Variants in OSCP1 observed in about 807,000 individuals in gnomAD.
The protein encoded by OSCP1 is protein OSCP1.
A neutral mutation model predicts 45.1 loss-of-function variants in OSCP1; 35 were observed. That is an observed-to-expected ratio of 0.78 (90% CI 0.59 to 1.03). The LOEUF is 1.03. Ranked by LOEUF, OSCP1 falls within the 50% of genes least tolerant of loss-of-function variation. OSCP1 has a pLI of 0.00. For synonymous variants in OSCP1, 179 were observed against 180.1 expected (o/e 0.99, Z 0.05); for missense variants, 400 against 470.7 (o/e 0.85, Z 1.39).
At chr1:36,441,584 TA>T (rs1041822670) in intron 1 of OSCP1, among the ~76,000 whole-genome samples, 12 of 148,466 alleles carry the variant, frequency 8.1e-5, no homozygotes, top group African/African-American at 2.2e-4. Context: ...CCGTCTCCAC[TA>T]AAAAAAAATA....
chr1:36,430,651 TTTTG>T (rs376057341), intron 4 of OSCP1, among the ~76,000 whole-genome samples: 18 of 151,976 alleles, frequency 1.2e-4, no homozygotes, highest in African/African-American at 4.1e-4. Context: ...CCGACTCTAT[TTTTG>T]TTTGTTTGTT....
intron 4 of OSCP1, among the ~76,000 whole-genome samples, chr1:36,425,459 G>A (rs1169256576): frequency 1.3e-5 from 2 of 152,184 alleles, no homozygotes; most frequent in African/African-American, 4.8e-5. Context: ...AGCCGGCTGG[G>A]TACAGTGGCT....
chr1:36,426,584 T>C (rs1478376168), intron 4 of OSCP1, among the ~76,000 whole-genome samples: 1 of 152,230 alleles, frequency 6.6e-6, no homozygotes, highest in Admixed American at 6.5e-5. Context: ...ACCCTTCAGT[T>C]GCCAAGCCTT....
intron 5 of OSCP1, 117 bp downstream of exon 5, chr1:36,423,246 A>G: frequency 1.1e-6 from 1 of 895,996 alleles, no homozygotes; most frequent in African/African-American, 1.6e-5. Flanking sequence ...GTTTTACTGA[A>G]GAAAGAGAAG....
intron 1 of OSCP1, among the ~76,000 whole-genome samples, chr1:36,448,891 G>A (rs1649698104): frequency 6.6e-6 from 1 of 152,224 alleles, no homozygotes; most frequent in African/African-American, 2.4e-5. Flanking sequence ...CCAGATGGCA[G>A]TGGAAAGCTG....
chr1:36,437,553 C>G (rs773779132), intron 2 of OSCP1, among the ~76,000 whole-genome samples: 3 of 152,116 alleles, frequency 2.0e-5, no homozygotes, highest in Non-Finnish European at 4.4e-5. Flanking sequence ...AAGTCCTACT[C>G]TGTCGCCCAG....
At chr1:36,432,063 T>C (rs1648401395) in intron 3 of OSCP1, among the ~76,000 whole-genome samples, 181 bp from the exon 4 acceptor site, 1 of 152,208 alleles carries the variant, frequency 6.6e-6, no homozygotes, top group Admixed American at 6.5e-5. Context: ...CAAAGCCTGT[T>C]ACCCCACACC....
At chr1:36,445,335 C>T (rs1442200641) in intron 1 of OSCP1, among the ~76,000 whole-genome samples, 1 of 152,072 alleles carries the variant, frequency 6.6e-6, no homozygotes, top group Non-Finnish European at 1.5e-5. Context: ...AACACTCCAT[C>T]TCAAAAAACA....
chr1:36,440,758 A>G (rs2124806476), intron 1 of OSCP1: 1 of 152,352 alleles, frequency 6.6e-6, no homozygotes, highest in Non-Finnish European at 1.5e-5. Context: ...AACAGGCACA[A>G]TTGAAAAGCC....
rs1648446571 is a variant in OSCP1, at chr1:36,432,609, CAAAAGA to C, written c.268-26_268-21del. On this transcript the variant is annotated intron_variant, in intron 2 of 9. Transcript: ENST00000235532. ...ATAGAGCTGCCAACCCACACACAAGCAAAAGAAATGGGATCATATCAAAATCAGGTG... is the reference window on the plus strand; with the variant it reads ...ATAGAGCTGCCAACCCACACACAAGCAATGGGATCATATCAAAATCAGGTG... 1 of 1,613,828 alleles carries C rather than the reference CAAAAGA, an allele frequency of 6.2e-7. No homozygotes were observed. Among genetic ancestry groups the C allele is most frequent in the South Asian group, 1.1e-5 (1 of 91,076 alleles).
intron 1 of OSCP1, among the ~76,000 whole-genome samples, chr1:36,439,833 A>G (rs968485198): frequency 6.6e-6 from 1 of 152,240 alleles, no homozygotes; most frequent in Admixed American, 6.5e-5. Context: ...TGTACAAACT[A>G]AAGTGTCTAT....
chr1:36,428,506 T>C (rs760304430), intron 4 of OSCP1: 3 of 1,576,926 alleles, frequency 1.9e-6, no homozygotes, highest in Non-Finnish European at 2.6e-6. Context: ...ACATATATGT[T>C]ACATATGCTG....
chr1:36,431,718 G>A lies in OSCP1; in HGVS notation c.516+84C>T, dbSNP rs546629100. Reference sequence around the variant, plus strand: ...ACATCACTAACTGGGCAAAATCTCCGTCCTTGTTTGCCCTCATGACTACCA... The same window carrying A: ...ACATCACTAACTGGGCAAAATCTCCATCCTTGTTTGCCCTCATGACTACCA... On this transcript the variant is annotated intron_variant, in intron 4 of 9. Coordinates refer to ENST00000235532, the MANE Select transcript of OSCP1 (RefSeq NM_145047.5). The A allele has an allele frequency of 5.4e-5, 73 of 1,340,566 alleles. 2 individuals carry two copies. Among genetic ancestry groups the A allele is most frequent in the South Asian group, 3.3e-4 (25 of 76,594 alleles). The allele number at this position is 1,340,566 out of a possible 1,614,324, so 83.0% of individuals were successfully genotyped here. A position where few individuals can be genotyped will look rare whatever the true frequency, so the allele number is the denominator to read the frequency against.
intron 4 of OSCP1, among the ~76,000 whole-genome samples, chr1:36,424,427 CT>C (rs1200512629): frequency 1.3e-5 from 2 of 152,206 alleles, no homozygotes; most frequent in Non-Finnish European, 2.9e-5. Context: ...TCCCTGCCTA[CT>C]TTCCATGCAG....
chr1:36,443,559 A>G (rs903248779), intron 1 of OSCP1, among the ~76,000 whole-genome samples: 1 of 152,218 alleles, frequency 6.6e-6, no homozygotes, highest in Non-Finnish European at 1.5e-5. Flanking sequence ...CCATGCAGTT[A>G]CATGCTTCAA....
At position 36,423,013 on chromosome 1, in the gene OSCP1, G is replaced by C. The variant is rs1240874088; in HGVS notation, c.621-117C>G. On this transcript the variant is annotated intron_variant, in intron 5 of 9. Transcript: ENST00000235532. ...AATACATGCTCTCCTTCAAGATAAA[G>C]GTGCTGGTTGTAATAATAATAATAA... 7.6e-6 allele frequency: 5 copies of C among 658,080 alleles called. No homozygotes were observed. The East Asian group carries it at 9.8e-5, about 13-fold the overall frequency. The allele number at this position is 658,080 out of a possible 1,614,324, so 40.8% of individuals were successfully genotyped here. A position where few individuals can be genotyped will look rare whatever the true frequency, so the allele number is the denominator to read the frequency against.
intron 4 of OSCP1, among the ~76,000 whole-genome samples, chr1:36,425,378 A>G (rs60231054): frequency 0.036 from 5,534 of 152,142 alleles, 329 homozygotes; most frequent in African/African-American, 0.13. Flanking sequence ...CCTGGGGGTA[A>G]TAATAGTAAT....
intron 4 of OSCP1, among the ~76,000 whole-genome samples, chr1:36,424,268 A>G (rs770146854): frequency 2.0e-4 from 30 of 152,350 alleles, no homozygotes; most frequent in Non-Finnish European, 3.8e-4. Context: ...TGAGCAGCGC[A>G]GCAAACCTTC....
chr1:36,418,372 G>T, intron 9 of OSCP1, 117 bp from the exon 10 acceptor site: 1 of 797,840 alleles, frequency 1.3e-6, no homozygotes, highest in Non-Finnish European at 2.1e-6. Flanking sequence ...TTGCGCACCT[G>T]TTTGTCAGAA....
Sources: allele counts gnomAD v4.1 joint callset (sites outside exome capture counted in the v4.1 genomes callset), GRCh38; gene constraint gnomAD v4.1.1; transcripts MANE v1.5; gene names NCBI Gene and HGNC (gene_info 2026-07-23, HGNC 2026-07-21).